APOF: variants seen among roughly 807,000 people sequenced by gnomAD.
The protein encoded by APOF is lipid transfer inhibitor protein.
Under a neutral mutation model 2.4 loss-of-function variants are expected in APOF, and 2 were observed. The observed-to-expected ratio is 0.83, with a 90% CI of 0.34 to 2.61. The LOEUF (loss-of-function observed/expected upper bound fraction) is 2.61, where lower values mean the gene tolerates loss of function less well. Ranked by LOEUF, APOF falls within the 30% of genes most tolerant of loss-of-function variation. The probability of loss-of-function intolerance (pLI) is 0.11; values close to 1 mark genes in which losing one functional copy is unlikely to be tolerated. For synonymous variants in APOF, 149 were observed against 155.6 expected (o/e 0.96, Z 0.32); for missense variants, 370 against 388.7 (o/e 0.95, Z 0.40).
At position 56,362,083 on chromosome 12, in the gene APOF, C is replaced by G. The variant is rs772722332; in HGVS notation, c.123G>C (p.Lys41Asn). ...LHPVDATSYG[K>N]QTNVLMHFPL... ...GAAAGTGCATCAAGACATTTGTCTG[C>G]TTTCCATATGAAGTGGCATCCACAG... The change falls in exon 2 of 2, where the codon AAG becomes AAC. Residue 41 changes from lysine (K) to asparagine (N), a missense_variant. Lys to Asn is a moderately conservative substitution (Grantham distance 94). Coordinates refer to ENST00000398189, the MANE Select transcript of APOF (RefSeq NM_001638.4). 1.7e-5 allele frequency: 28 copies of G among 1,613,886 alleles called. No homozygotes were observed. The South Asian group carries it at 3.0e-4, about 17-fold the overall frequency.
Position 56,362,021 on chromosome 12 carries a change from G to A in APOF, c.185C>T (p.Pro62Leu). ...TGGGTGCAGAAATTGGCAGGACAAG[G>A]GGTCTGAGGAGGGTGTCTGGGATTC... is the stretch of plus-strand genomic sequence containing the variant. ...SLESQTPSSD[P>L]LSCQFLHPKS... Residue 62 changes from proline to leucine, a missense_variant, in exon 2 of 2, where the codon CCC becomes CTC. By Grantham distance (98) the Pro-to-Leu change is moderately conservative. Coordinates refer to ENST00000398189, the MANE Select transcript of APOF (RefSeq NM_001638.4). 3 of 1,613,964 alleles carry A rather than the reference G, an allele frequency of 1.9e-6. No homozygotes were observed. Among genetic ancestry groups the A allele is most frequent in the Non-Finnish European group, 1.7e-6 (2 of 1,179,886 alleles).
intron 1 of APOF, 131 bp from the exon 2 acceptor site, chr12:56,362,320 G>A: frequency 9.0e-7 from 1 of 1,110,964 alleles, no homozygotes; most frequent in Non-Finnish European, 1.3e-6. Flanking sequence ...TAGAGACAGG[G>A]TCTTGCTCTG....
Position 56,361,301 on chromosome 12 carries a change from C to T in APOF, c.905G>A (p.Ser302Asn), listed in dbSNP as rs1880318013. The T allele has an allele frequency of 1.2e-6, 2 of 1,614,048 alleles. No homozygotes were observed. The highest frequency in any genetic ancestry group is 2.2e-5 in the East Asian group (1 of 44,894). The stretch of plus-strand genomic sequence containing the variant: ...GGCCCACCCCCAGTAGGGAGCTGAA[C>T]TTACTACTTCTGATATGAAAGAAGC... ...TLASFISEVV[S>N]SAPYWGWAII... Residue 302 changes from serine (S) to asparagine (N), a missense_variant, in exon 2 of 2, where the codon AGT becomes AAT. Physicochemically the swap from Ser to Asn is conservative, Grantham distance 46. Coordinates refer to ENST00000398189, the MANE Select transcript of APOF (RefSeq NM_001638.4).
Position 56,361,719 on chromosome 12 carries a change from C to A in APOF, c.487G>T (p.Gly163Trp), listed in dbSNP as rs764618737. ...AREQQSTGRV[G>W]RSLPTEDCEN... ...CAGTCCTCTGTCGGGAGGGAGCGCC[C>A]GACCCTTCCTGTGCTTTGCTGCTCC... The change falls in exon 2 of 2, where the codon GGG (glycine) becomes TGG (tryptophan). Residue 163 changes from glycine (G) to tryptophan (W), a missense_variant. Physicochemically the swap from Gly to Trp is radical, Grantham distance 184 (BLOSUM62 -2). Coordinates refer to ENST00000398189, the MANE Select transcript of APOF (RefSeq NM_001638.4). 1 of 1,609,128 alleles carries A rather than the reference C, an allele frequency of 6.2e-7. No individual in the cohort carries two copies. The highest frequency in any genetic ancestry group is 1.1e-5 in the South Asian group (1 of 90,274).
Position 56,360,955 on chromosome 12 carries a change from A to G in APOF, c.*270T>C, listed in dbSNP as rs991849856. On this transcript the variant is annotated 3_prime_UTR_variant, in exon 2 of 2. Transcript: ENST00000398189. ...TGTATCATTTTAAATTTACAGGGCA[A>G]CTCATTGAGGTTAAAATCATTCTAT... 1 of 463,000 alleles carries G rather than the reference A, an allele frequency of 2.2e-6. No individual in the cohort carries two copies. The highest frequency in any genetic ancestry group is 2.0e-5 in the African/African-American group (1 of 50,918). The allele number at this position is 463,000 out of a possible 1,614,324, so 28.7% of individuals were successfully genotyped here.
chr12:56,361,216 C>T lies in APOF; in HGVS notation c.*9G>A. On this transcript the variant is annotated 3_prime_UTR_variant, in exon 2 of 2. Coordinates refer to ENST00000398189, the MANE Select transcript of APOF (RefSeq NM_001638.4). Reference sequence around the variant, plus strand: ...GTACAGTTATTAATTCTGTGGTTACCACATTCTTTTATATCTCAAGACTCC... The same window carrying T: ...GTACAGTTATTAATTCTGTGGTTACTACATTCTTTTATATCTCAAGACTCC... 1.9e-6 allele frequency: 3 copies of T among 1,608,640 alleles called. No homozygotes were observed. Among genetic ancestry groups the T allele is most frequent in the Non-Finnish European group, 2.5e-6 (3 of 1,177,126 alleles).
Position 56,360,773 on chromosome 12 carries a change from C to G in APOF, c.*452G>C, listed in dbSNP as rs1214723402. 6.1e-6 allele frequency: 1 copy of G among 164,940 alleles called. No individual in the cohort carries two copies. The highest frequency in any genetic ancestry group is 1.3e-5 in the Non-Finnish European group (1 of 75,434). 10.2% of individuals were successfully genotyped at this position (164,940 alleles called of 1,614,324 possible). On this transcript the variant is annotated 3_prime_UTR_variant, in exon 2 of 2. Coordinates refer to ENST00000398189, the MANE Select transcript of APOF (RefSeq NM_001638.4). ...TAATTTTTTGTATTTATTGTAGAGA[C>G]GGGGTTTCGCCATGTTGCCCAGGCT...
In APOF at chr12:56,361,403, A is replaced by G. The variant is rs752443894; in HGVS notation, c.803T>C (p.Ile268Thr). Reference sequence around the variant, plus strand: ...CTCCTTGGTGGTCTCCGGCTGAGAGATGTTTGCGTCTTTCTGATCTTGGTA... The same window carrying G: ...CTCCTTGGTGGTCTCCGGCTGAGAGGTGTTTGCGTCTTTCTGATCTTGGTA... The part of the protein sequence containing the change: ...QYYQDQKDAN[I>T]SQPETTKEGL... The change falls in exon 2 of 2, where the codon ATC becomes ACC. Residue 268 changes from isoleucine to threonine, a missense_variant. Coordinates refer to ENST00000398189, the MANE Select transcript of APOF (RefSeq NM_001638.4). 6.2e-7 allele frequency: 1 copy of G among 1,613,940 alleles called. No homozygotes were observed. The highest frequency in any genetic ancestry group is 1.1e-5 in the South Asian group (1 of 91,076).
rs1211079840 is a variant in APOF, at chr12:56,361,219, A to T, written c.*6T>A. ...CAGTTATTAATTCTGTGGTTACCAC[A>T]TTCTTTTATATCTCAAGACTCCCAG... On this transcript the variant is annotated 3_prime_UTR_variant, in exon 2 of 2. Coordinates refer to ENST00000398189, the MANE Select transcript of APOF (RefSeq NM_001638.4). The T allele has an allele frequency of 6.2e-7, 1 of 1,609,748 alleles. No individual in the cohort carries two copies. Among genetic ancestry groups the T allele is most frequent in the East Asian group, 2.2e-5 (1 of 44,840 alleles).
Position 56,361,237 on chromosome 12 carries a change from AC to A in APOF, c.968del (p.Ser323IlefsTer9). 1 of 1,612,568 alleles carries A rather than the reference AC, an allele frequency of 6.2e-7. No individual in the cohort carries two copies. The highest frequency in any genetic ancestry group is 8.5e-7 in the Non-Finnish European group (1 of 1,179,158). ...TTACCACATTCTTTTATATCTCAAG[AC>A]TCCCAGCCCCAGGATCTAAGTCATA... is the stretch of plus-strand genomic sequence containing the variant. ...KSYDLDPGAG[S>X]LEI On this transcript the variant is annotated frameshift_variant, in exon 2 of 2. Transcript: ENST00000398189. LOFTEE classifies it high-confidence loss of function.
chr12:56,361,978 GA>G lies in APOF; in HGVS notation c.227del (p.Phe76SerfsTer12). 2 of 1,614,020 alleles carry G rather than the reference GA, an allele frequency of 1.2e-6. No homozygotes were observed. Among genetic ancestry groups the G allele is most frequent in the Non-Finnish European group, 1.7e-6 (2 of 1,179,890 alleles). On this transcript the variant is annotated frameshift_variant, in exon 2 of 2. Transcript: ENST00000398189. LOFTEE classifies it low-confidence loss of function (END_TRUNC). Reference protein sequence around the residue: ...QFLHPKSLPGFSHMAPLPKFL... With the variant: ...QFLHPKSLPGXSHMAPLPKFL... Reference sequence around the variant, plus strand: ...ACTTGGGTAGAGGGGCCATGTGGCTGAAACCAGGCAGTGACTTTGGGTGCAG... The same window carrying G: ...ACTTGGGTAGAGGGGCCATGTGGCTGAACCAGGCAGTGACTTTGGGTGCAG...
chr12:56,362,509 G>A (rs1014636292), intron 1 of APOF, among the ~76,000 whole-genome samples: 4 of 152,154 alleles, frequency 2.6e-5, no homozygotes, highest in Non-Finnish European at 5.9e-5. Flanking sequence ...GCCCAGCCTA[G>A]TTCTGAACTT....
Position 56,361,275 on chromosome 12 carries a change from T to C in APOF, c.931A>G (p.Ile311Val). ...GGATCTAAGTCATAGCTCTTGATTA[T>C]GGCCCACCCCCAGTAGGGAGCTGAA... ...VSSAPYWGWA[I>V]IKSYDLDPGA... The change falls in exon 2 of 2, where the codon ATA (isoleucine) becomes GTA (valine). Residue 311 changes from isoleucine to valine, a missense_variant. Ile to Val is a conservative substitution (Grantham distance 29). Transcript: ENST00000398189. 2 of 1,614,062 alleles carry C rather than the reference T, an allele frequency of 1.2e-6. No homozygotes were observed. Among genetic ancestry groups the C allele is most frequent in the Non-Finnish European group, 1.7e-6 (2 of 1,179,906 alleles).
At position 56,361,349 on chromosome 12, in the gene APOF, T is replaced by C. The variant is rs762000910; in HGVS notation, c.857A>G (p.Asp286Gly). Residue 286 changes from aspartate (D) to glycine (G), a missense_variant, in exon 2 of 2, where the codon GAC becomes GGC. Coordinates refer to ENST00000398189, the MANE Select transcript of APOF (RefSeq NM_001638.4). Reference protein sequence around the residue: ...EGLRAISDVSDLEETTTLASF... With the variant: ...EGLRAISDVSGLEETTTLASF... ...AGCCAGAGTAGTTGTTTCTTCCAAG[T>C]CACTCACATCTGAGATGGCCCTCAA... 1 of 1,614,066 alleles carries C rather than the reference T, an allele frequency of 6.2e-7. No homozygotes were observed. The highest frequency in any genetic ancestry group is 1.1e-5 in the South Asian group (1 of 91,082).
rs767118313 is a variant in APOF, at chr12:56,361,615, T to C, written c.591A>G (p.Thr197=). 2 of 1,614,016 alleles carry C rather than the reference T, an allele frequency of 1.2e-6. No individual in the cohort carries two copies. Among genetic ancestry groups the C allele is most frequent in the African/African-American group, 1.3e-5 (1 of 75,064 alleles). Residue 197 remains threonine (T), a synonymous_variant, in exon 2 of 2, where the codon ACA becomes ACG. Transcript: ENST00000398189. ...PGVGTFYNLG[T]ALYYATQNCL... Reference sequence around the variant, plus strand: ...AGTTTTGAGTAGCATAATACAAAGCTGTGCCCAGGTTGTAGAAGGTTCCCA... The same window carrying C: ...AGTTTTGAGTAGCATAATACAAAGCCGTGCCCAGGTTGTAGAAGGTTCCCA...
chr12:56,362,304 T>C, intron 1 of APOF, 115 bp from the exon 2 acceptor site: 3 of 1,269,374 alleles, frequency 2.4e-6, no homozygotes, highest in Non-Finnish European at 3.2e-6. Context: ...TTTTGTACTT[T>C]CTTTTTAGAG....
rs766000132 is a variant in APOF, at chr12:56,361,527, TCAG to T, written c.676_678del (p.Leu226del). The T allele has an allele frequency of 6.8e-5, 110 of 1,613,942 alleles. No individual in the cohort carries two copies. Among genetic ancestry groups the T allele is most frequent in the Non-Finnish European group, 9.0e-5 (106 of 1,179,906 alleles). ...CCCCCTGACATCCCAGCCATGGTCA[TCAG>T]AAGGTCATATCCCAGATCTATGGCC... is the stretch of plus-strand genomic sequence containing the variant. On this transcript the variant is annotated inframe_deletion, in exon 2 of 2. Coordinates refer to ENST00000398189, the MANE Select transcript of APOF (RefSeq NM_001638.4).
Position 56,361,585 on chromosome 12 carries a change from C to T in APOF, c.621G>A (p.Leu207=), listed in dbSNP as rs1880351562. The T allele has an allele frequency of 6.2e-7, 1 of 1,613,944 alleles. No homozygotes were observed. The highest frequency in any genetic ancestry group is 1.3e-5 in the African/African-American group (1 of 74,942). Residue 207 remains leucine (L), a synonymous_variant, in exon 2 of 2, where the codon CTG becomes CTA. Transcript: ENST00000398189. The part of the protein sequence containing the change: ...TALYYATQNC[L]GKARERGRDG... ...CTCGGCCTCGTTCCCTGGCCTTGCC[C>T]AGGCAGTTTTGAGTAGCATAATACA...
Position 56,361,704 on chromosome 12 carries a change from T to C in APOF, c.502A>G (p.Thr168Ala), listed in dbSNP as rs774046575. 6 of 1,610,524 alleles carry C rather than the reference T, an allele frequency of 3.7e-6. No individual in the cohort carries two copies. Among genetic ancestry groups the C allele is most frequent in the Non-Finnish European group, 5.1e-6 (6 of 1,178,464 alleles). The change falls in exon 2 of 2, where the codon ACA becomes GCA. Residue 168 changes from threonine (T) to alanine (A), a missense_variant. Physicochemically the swap from Thr to Ala is moderately conservative, Grantham distance 58. Coordinates refer to ENST00000398189, the MANE Select transcript of APOF (RefSeq NM_001638.4). ...TCCTTCTCATTCTCACAGTCCTCTGTCGGGAGGGAGCGCCCGACCCTTCCT... is the reference window on the plus strand; with the variant it reads ...TCCTTCTCATTCTCACAGTCCTCTGCCGGGAGGGAGCGCCCGACCCTTCCT... ...STGRVGRSLP[T>A]EDCENEKEQA...
Sources: allele counts gnomAD v4.1 joint callset (sites outside exome capture counted in the v4.1 genomes callset), GRCh38; gene constraint gnomAD v4.1.1; transcripts MANE v1.5; gene names NCBI Gene and HGNC (gene_info 2026-07-23, HGNC 2026-07-21).